PCLAF: variants seen among roughly 807,000 people sequenced by gnomAD.
PCLAF encodes PCNA clamp associated factor, also known as PCNA-associated factor.
A neutral mutation model predicts 15.1 loss-of-function variants in PCLAF; 12 were observed. That is an observed-to-expected ratio of 0.79 (90% CI 0.51 to 1.29). PCLAF has a LOEUF of 1.29. PCLAF is among the 50% of genes most tolerant of loss of function. PCLAF has a pLI of 0.00. For synonymous variants in PCLAF, 33 were observed against 47.1 expected (o/e 0.70, Z 1.22); for missense variants, 116 against 130.9 (o/e 0.89, Z 0.56).
chr15:64,386,483 G>A (rs973283599), intron 1 of PCLAF, among the ~76,000 whole-genome samples: 1 of 152,078 alleles, frequency 6.6e-6, no homozygotes, highest in Non-Finnish European at 1.5e-5. Flanking sequence ...ACCATGCCAG[G>A]CTAATTTTTT....
Position 64,377,759 on chromosome 15 carries a change from T to G in PCLAF, c.128-854A>C, listed in dbSNP as rs1397533361. On this transcript the variant is annotated intron_variant, in intron 2 of 3. Coordinates refer to ENST00000300035, the MANE Select transcript of PCLAF (RefSeq NM_014736.6). ...TCCAATTCCTGGTGTTTTTTTTTTT[T>G]TTTTTTTTTTTTTTCAAAGTCTAGC... Among the ~76,000 whole-genome samples, 264 of 110,374 alleles carry G rather than the reference T, an allele frequency of 2.4e-3. 6 individuals carry two copies. The highest frequency in any genetic ancestry group is 7.2e-3 in the African/African-American group (218 of 30,410). 72.4% of individuals were successfully genotyped at this position (110,374 alleles called of 152,430 possible). A position where few individuals can be genotyped will look rare whatever the true frequency, so the allele number is the denominator to read the frequency against.
In PCLAF at chr15:64,369,440, C is replaced by G. The variant is rs1256809047; in HGVS notation, c.291-3365G>C. Among the ~76,000 whole-genome samples the G allele has an allele frequency of 1.3e-4, 19 of 149,198 alleles. No individual in the cohort carries two copies. In the East Asian group the frequency reaches 3.3e-3, roughly 26 times the overall value. Reference sequence around the variant, plus strand: ...CCCTTTGGTTGATTTTTATGGAAACCAGAAATCATGATAGTGATATAACAA... The same window carrying G: ...CCCTTTGGTTGATTTTTATGGAAACGAGAAATCATGATAGTGATATAACAA... On this transcript the variant is annotated intron_variant, in intron 3 of 3. Coordinates refer to ENST00000300035, the MANE Select transcript of PCLAF (RefSeq NM_014736.6).
intron 2 of PCLAF, among the ~76,000 whole-genome samples, chr15:64,379,555 T>C (rs1899745253): frequency 6.6e-6 from 1 of 151,958 alleles, no homozygotes; most frequent in Admixed American, 6.6e-5. Flanking sequence ...TCTAAAAAAA[T>C]TCATCAACTT....
At chr15:64,373,279 G>C (rs565404133) in intron 3 of PCLAF, 15 of 156,886 alleles carry the variant, frequency 9.6e-5, no homozygotes, top group Non-Finnish European at 1.7e-4. Context: ...AACTCCAACA[G>C]ATTTAATATT....
intron 3 of PCLAF, among the ~76,000 whole-genome samples, chr15:64,375,705 T>A (rs1425887384): frequency 6.6e-6 from 1 of 152,158 alleles, no homozygotes; most frequent in Non-Finnish European, 1.5e-5. Context: ...GTTATATATT[T>A]CTTGTGCAAG....
exon 1 of PCLAF, chr15:64,387,498 G>C (rs1022239780): frequency 7.8e-7 from 1 of 1,289,374 alleles, no homozygotes; most frequent in Non-Finnish European, 1.0e-6. Context: ...AAACCATGAC[G>C]ATTAAAAAGC....
chr15:64,374,469 G>A (rs959275764), intron 3 of PCLAF, among the ~76,000 whole-genome samples: 3 of 151,926 alleles, frequency 2.0e-5, no homozygotes, highest in African/African-American at 4.8e-5. Context: ...AACCCGGGAG[G>A]TGGAGGTTGC....
intron 3 of PCLAF, among the ~76,000 whole-genome samples, chr15:64,376,155 G>A (rs1041306232): frequency 3.3e-5 from 5 of 152,116 alleles, no homozygotes; most frequent in African/African-American, 1.2e-4. Context: ...AACCTGGGAG[G>A]CGGAGGTTGC....
intron 2 of PCLAF, among the ~76,000 whole-genome samples, chr15:64,379,921 G>A (rs1016525114): frequency 1.3e-5 from 2 of 149,590 alleles, no homozygotes; most frequent in Non-Finnish European, 3.0e-5. Flanking sequence ...ACAAAAAAGA[G>A]TAAGGAAGAA....
chr15:64,373,468 G>C (rs1001891385), intron 3 of PCLAF: 7 of 602,736 alleles, frequency 1.2e-5, no homozygotes, highest in Non-Finnish European at 1.8e-5. Flanking sequence ...GTATGGGTTG[G>C]AGAACTGTAG....
At chr15:64,379,215 G>A (rs918237771) in intron 2 of PCLAF, among the ~76,000 whole-genome samples, 7 of 152,146 alleles carry the variant, frequency 4.6e-5, no homozygotes, top group Admixed American at 1.3e-4. Context: ...GGTGGCTCAC[G>A]TCTGTAATCC....
intron 3 of PCLAF, among the ~76,000 whole-genome samples, chr15:64,375,969 G>A (rs1173966093): frequency 6.6e-6 from 1 of 152,204 alleles, no homozygotes; most frequent in Non-Finnish European, 1.5e-5. Context: ...GCTCACGCCT[G>A]TAATCCCAGT....
chr15:64,364,743 G>A lies in PCLAF; in HGVS notation c.*1287C>T, dbSNP rs1373210918. Reference sequence around the variant, plus strand: ...ACTCTGTTGTTCAGGCTGGAGTGCAGTGGCACAATCTGGGCTCACTGCAAC... The same window carrying A: ...ACTCTGTTGTTCAGGCTGGAGTGCAATGGCACAATCTGGGCTCACTGCAAC... On this transcript the variant is annotated 3_prime_UTR_variant, in exon 4 of 4. Transcript: ENST00000300035. The A allele has an allele frequency of 6.7e-6, 1 of 149,244 alleles. No individual in the cohort carries two copies. The highest frequency in any genetic ancestry group is 1.5e-5 in the Non-Finnish European group (1 of 67,632). The allele number at this position is 149,244 out of a possible 1,614,324, so 9.2% of individuals were successfully genotyped here.
chr15:64,383,089 CATTA>C (rs1899865375), upstream of PCLAF: 1 of 153,240 alleles, frequency 6.5e-6, no homozygotes, highest in South Asian at 2.0e-4. Flanking sequence ...GTAAACACAG[CATTA>C]ATTCTCTCCA....
chr15:64,375,631 G>A (rs980330863), intron 3 of PCLAF, among the ~76,000 whole-genome samples: 1 of 152,096 alleles, frequency 6.6e-6, no homozygotes, highest in Non-Finnish European at 1.5e-5. Context: ...GAGCTCAAGC[G>A]ATCTGCCCAC....
chr15:64,378,915 A>G (rs1205226586), intron 2 of PCLAF, among the ~76,000 whole-genome samples: 1 of 151,994 alleles, frequency 6.6e-6, no homozygotes, highest in East Asian at 1.9e-4. Context: ...TGTCTCAGAA[A>G]AAAAAAAAAA....
intron 2 of PCLAF, 86 bp downstream of exon 2, chr15:64,380,867 CGTGAG>C (rs1566967674): frequency 5.6e-6 from 6 of 1,077,478 alleles, no homozygotes; most frequent in Non-Finnish European, 6.9e-6. Context: ...GAAATTCGGG[CGTGAG>C]TACCTCAAGA....
chr15:64,383,406 G>A (rs534469693), upstream of PCLAF, among the ~76,000 whole-genome samples: 27 of 149,152 alleles, frequency 1.8e-4, no homozygotes, highest in Non-Finnish European at 1.6e-4. Flanking sequence ...TCACTTCTTC[G>A]CCCAGGTTGG....
At chr15:64,370,243 A>ATTT (rs879858578) in intron 3 of PCLAF, among the ~76,000 whole-genome samples, 2 of 141,998 alleles carry the variant, frequency 1.4e-5, no homozygotes, top group East Asian at 2.0e-4. Flanking sequence ...TGCCCACCTA[A>ATTT]TTTTTTTTTT....
Sources: allele counts gnomAD v4.1 joint callset (sites outside exome capture counted in the v4.1 genomes callset), GRCh38; gene constraint gnomAD v4.1.1; transcripts MANE v1.5; gene names NCBI Gene and HGNC (gene_info 2026-07-23, HGNC 2026-07-21).